Variants in CAMK2G observed in about 807,000 individuals in gnomAD.
CAMK2G encodes the protein calcium/calmodulin dependent protein kinase II gamma.
A neutral mutation model predicts 88.7 loss-of-function variants in CAMK2G; 23 were observed. That is an observed-to-expected ratio of 0.26 (90% CI 0.19 to 0.37). The LOEUF (loss-of-function observed/expected upper bound fraction) is 0.37, where lower values mean the gene tolerates loss of function less well. CAMK2G is among the 10% of genes least tolerant of loss of function. The probability of loss-of-function intolerance (pLI) is 1.00; values close to 1 mark genes in which losing one functional copy is unlikely to be tolerated. For synonymous variants in CAMK2G, 263 were observed against 294.8 expected, an observed-to-expected ratio of 0.89 and a Z score of 1.11; for missense variants, 476 against 780.8, an observed-to-expected ratio of 0.61 and a Z score of 4.65.
In CAMK2G at chr10:73,848,626, G is replaced by A. The variant is rs1364272366; in HGVS notation, c.518-17C>T. The A allele has an allele frequency of 3.9e-6, 6 of 1,526,860 alleles. No individual in the cohort carries two copies. The highest frequency in any genetic ancestry group is 5.4e-6 in the Non-Finnish European group (6 of 1,106,338). The allele number at this position is 1,526,860 out of a possible 1,614,324, so 94.6% of individuals were successfully genotyped here. On this transcript the variant is annotated splice_polypyrimidine_tract_variant and intron_variant, in intron 7 of 22. Coordinates refer to ENST00000423381, the MANE Select transcript of CAMK2G (RefSeq NM_001367534.1). The surrounding 1 kb of genome is among the most constrained non-coding windows in gnomAD (Gnocchi z 4.5). ...CAGCAAAACCTGTAGCAAAAGAGAG[G>A]GCAGAGGCATACTGAACCCACTTTC...
intron 5 of CAMK2G, among the ~76,000 whole-genome samples, chr10:73,850,483 G>A (rs2094541961): frequency 6.6e-6 from 1 of 152,194 alleles, no homozygotes; most frequent in African/African-American, 2.4e-5. Context: ...TGTCACAACT[G>A]GAGGAGGGGT....
At chr10:73,860,058 A>G (rs1161923478) in intron 3 of CAMK2G, among the ~76,000 whole-genome samples, 1 of 152,238 alleles carries the variant, frequency 6.6e-6, no homozygotes, top group Non-Finnish European at 1.5e-5. Flanking sequence ...CTCTGCCTCA[A>G]GTCAACACTG....
chr10:73,857,666 C>A (rs1369535006), intron 3 of CAMK2G, among the ~76,000 whole-genome samples: 1 of 152,106 alleles, frequency 6.6e-6, no homozygotes, highest in Admixed American at 6.5e-5. Context: ...CAGCTCAGCA[C>A]GAAGGAAGAC....
chr10:73,830,068 G>C (rs1382563712), intron 14 of CAMK2G, among the ~76,000 whole-genome samples: 1 of 152,088 alleles, frequency 6.6e-6, no homozygotes, highest in African/African-American at 2.4e-5. Flanking sequence ...TGACTAATGG[G>C]GAATAAGTTC....
In CAMK2G at chr10:73,819,577, G is replaced by A. The variant is rs972847059; in HGVS notation, c.1318C>T (p.Pro440Ser). The change falls in exon 19 of 23, where the codon CCC (proline) becomes TCC (serine). Residue 440 changes from proline (P) to serine (S), a missense_variant. Pro to Ser is a moderately conservative substitution (Grantham distance 74, BLOSUM62 -1). Transcript: ENST00000423381. ...EGRSSRDRTA[P>S]SAGMQPQPSL... ...GGCTGGGGCTGCATGCCTGCAGAGG[G>A]GGCTGTTCTGTCCCGGGAGCTCCGT... is the stretch of plus-strand genomic sequence containing the variant. 2.6e-6 allele frequency: 4 copies of A among 1,549,284 alleles called. No individual in the cohort carries two copies. Among genetic ancestry groups the A allele is most frequent in the Non-Finnish European group, 3.5e-6 (4 of 1,146,886 alleles).
chr10:73,841,252 CA>C (rs2134374897), intron 12 of CAMK2G, among the ~76,000 whole-genome samples: 1 of 152,294 alleles, frequency 6.6e-6, no homozygotes, highest in South Asian at 2.1e-4. Context: ...GGCTCCCACA[CA>C]ACCCCCTTTC....
intron 5 of CAMK2G, among the ~76,000 whole-genome samples, chr10:73,850,612 G>C (rs1260396298): frequency 6.6e-6 from 1 of 152,262 alleles, no homozygotes; most frequent in Non-Finnish European, 1.5e-5. Flanking sequence ...CCAAGGCTGA[G>C]GAACTTGGCC....
chr10:73,827,426 G>A (rs575693626), intron 15 of CAMK2G, among the ~76,000 whole-genome samples: 2 of 152,252 alleles, frequency 1.3e-5, no homozygotes, highest in East Asian at 3.9e-4. Flanking sequence ...TGATCCACCC[G>A]CCTCGGCCTC....
chr10:73,863,132 G>C (rs1375556020), intron 2 of CAMK2G, among the ~76,000 whole-genome samples: 1 of 152,230 alleles, frequency 6.6e-6, no homozygotes, highest in African/African-American at 2.4e-5. Flanking sequence ...TCTAGCAACA[G>C]CTCTACTTTG....
intron 10 of CAMK2G, among the ~76,000 whole-genome samples, chr10:73,845,433 T>G (rs2094158180): frequency 6.6e-6 from 1 of 151,886 alleles, no homozygotes; most frequent in South Asian, 2.1e-4. Context: ...ATACAAAAAA[T>G]TAGCCGGGCG....
intron 17 of CAMK2G, among the ~76,000 whole-genome samples, chr10:73,823,287 C>T (rs1356658311): frequency 6.6e-6 from 1 of 152,172 alleles, no homozygotes; most frequent in African/African-American, 2.4e-5. Flanking sequence ...GTGATCTCAG[C>T]TCACTGCAAC....
At chr10:73,851,770 T>C (rs1287791279) in intron 5 of CAMK2G, among the ~76,000 whole-genome samples, 2 of 141,118 alleles carry the variant, frequency 1.4e-5, no homozygotes, top group African/African-American at 2.6e-5. Flanking sequence ...GAGGGGGACA[T>C]AGTCTCGCTC....
chr10:73,857,301 C>CT (rs2095108952), intron 3 of CAMK2G, among the ~76,000 whole-genome samples: 1 of 152,166 alleles, frequency 6.6e-6, no homozygotes, highest in Non-Finnish European at 1.5e-5. Flanking sequence ...TCCTAGCCCC[C>CT]TTTCCTGGCT....
intron 2 of CAMK2G, 22 bp downstream of exon 2, chr10:73,872,967 G>C: frequency 6.6e-7 from 1 of 1,506,530 alleles, no homozygotes; most frequent in Non-Finnish European, 9.3e-7. Flanking sequence ...CTCAGGAAGA[G>C]GTCAAGACAG....
chr10:73,855,099 C>T (rs1464050145), intron 3 of CAMK2G, among the ~76,000 whole-genome samples: 1 of 152,186 alleles, frequency 6.6e-6, no homozygotes, highest in South Asian at 2.1e-4. Flanking sequence ...AAGGAGCCAG[C>T]GCCAGGCCCC....
chr10:73,835,076 G>GCTA (rs1420973808), intron 14 of CAMK2G, among the ~76,000 whole-genome samples: 2 of 151,974 alleles, frequency 1.3e-5, no homozygotes, highest in Non-Finnish European at 2.9e-5. Flanking sequence ...GCAAAATCCA[G>GCTA]CTACTCCCTC....
At chr10:73,817,850 G>A (rs563191215) in intron 19 of CAMK2G, 3 of 469,326 alleles carry the variant, frequency 6.4e-6, no homozygotes, top group African/African-American at 5.8e-5. Context: ...GCCTTTAACA[G>A]GTGAGGAGCC....
At chr10:73,854,626 T>C (rs1245720620) in intron 3 of CAMK2G, among the ~76,000 whole-genome samples, 1 of 152,200 alleles carries the variant, frequency 6.6e-6, no homozygotes, top group Non-Finnish European at 1.5e-5. Context: ...GAAATGGCCA[T>C]GTCTCTTCCT....
chr10:73,827,952 A>G (rs1255188863), intron 15 of CAMK2G, 137 bp downstream of exon 15: 4 of 786,170 alleles, frequency 5.1e-6, no homozygotes, highest in Non-Finnish European at 9.0e-6. Context: ...CTGGCAGGAC[A>G]GGCCACACCT....
Sources: gnomAD v4.1 joint callset for allele counts (sites outside exome capture counted in the v4.1 genomes callset) on GRCh38, gnomAD v4.1.1 for gene constraint, Gnocchi (gnomAD v3.1) non-coding constraint, MANE v1.5 for transcripts, NCBI Gene and HGNC (gene_info 2026-07-23, HGNC 2026-07-21) for gene names.